Variants in DNAJC10 observed in about 807,000 individuals in gnomAD.
DNAJC10 encodes endoplasmic reticulum disulfide reductase DNAJC10.
Under a neutral mutation model 115.0 loss-of-function variants are expected in DNAJC10, and 101 were observed. The ratio of observed to expected loss-of-function variants is 0.88; its 90% CI spans 0.75 to 1.04. DNAJC10 has a LOEUF of 1.04. Ranked by LOEUF, DNAJC10 falls within the 50% of genes least tolerant of loss-of-function variation. DNAJC10 has a pLI of 0.00. For synonymous variants in DNAJC10, 307 were observed against 301.5 expected, an observed-to-expected ratio of 1.02 and a Z score of -0.19; for missense variants, 981 against 928.8, an observed-to-expected ratio of 1.06 and a Z score of -0.73.
intron 16 of DNAJC10, among the ~76,000 whole-genome samples, chr2:182,753,356 A>G (rs894803138): frequency 6.6e-6 from 1 of 152,132 alleles, no homozygotes; most frequent in African/African-American, 2.4e-5. Flanking sequence ...AAGAGGAAGG[A>G]AAACAAAAGA....
chr2:182,773,054 T>G (rs1694609021), intron 22 of DNAJC10, among the ~76,000 whole-genome samples: 1 of 152,134 alleles, frequency 6.6e-6, no homozygotes, highest in Admixed American at 6.6e-5. Flanking sequence ...AAATCAGCAT[T>G]TGCTTGTCTG....
chr2:182,770,100 G>A (rs753620670), intron 22 of DNAJC10, among the ~76,000 whole-genome samples: 1 of 152,116 alleles, frequency 6.6e-6, no homozygotes, highest in Admixed American at 6.5e-5. Flanking sequence ...GTTTTTGTCA[G>A]GTTTGTCAAA....
At position 182,781,960 on chromosome 2, in the gene DNAJC10, C is replaced by T. The variant is rs919839832; in HGVS notation, c.*4828C>T. 1 of 152,094 alleles carries T rather than the reference C, an allele frequency of 6.6e-6. No homozygotes were observed. Among genetic ancestry groups the T allele is most frequent in the African/African-American group, 2.4e-5 (1 of 41,408 alleles). 9.4% of individuals were successfully genotyped at this position (152,094 alleles called of 1,614,324 possible). ...ATGCAGAAGCTCTTTAATTAGATCC[C>T]ATTTATCTGTTTTGGCTTTTATTGC... On this transcript the variant is annotated 3_prime_UTR_variant, in exon 24 of 24. Coordinates refer to ENST00000264065, the MANE Select transcript of DNAJC10 (RefSeq NM_018981.4).
At chr2:182,760,033 C>A (rs981419603) in intron 21 of DNAJC10, among the ~76,000 whole-genome samples, 4 of 152,180 alleles carry the variant, frequency 2.6e-5, no homozygotes, top group Admixed American at 2.0e-4. Context: ...CTCTGACTTA[C>A]TAAGTTTCTT....
chr2:182,781,303 T>C lies in DNAJC10; in HGVS notation c.*4171T>C, dbSNP rs534862068. 1 of 152,340 alleles carries C rather than the reference T, an allele frequency of 6.6e-6. No homozygotes were observed. Among genetic ancestry groups the C allele is most frequent in the East Asian group, 1.9e-4 (1 of 5,186 alleles). 9.4% of individuals were successfully genotyped at this position (152,340 alleles called of 1,614,324 possible). A position where few individuals can be genotyped will look rare whatever the true frequency, so the allele number is the denominator to read the frequency against. On this transcript the variant is annotated 3_prime_UTR_variant, in exon 24 of 24. Coordinates refer to ENST00000264065, the MANE Select transcript of DNAJC10 (RefSeq NM_018981.4). ...CTGCAAAGGACATGAACGCATCCTTTTTTATGGCTGCATAGTATTCCATGG... is the reference window on the plus strand; with the variant it reads ...CTGCAAAGGACATGAACGCATCCTTCTTTATGGCTGCATAGTATTCCATGG...
At chr2:182,772,473 GACTT>G (rs1022071604) in intron 22 of DNAJC10, among the ~76,000 whole-genome samples, 2 of 152,048 alleles carry the variant, frequency 1.3e-5, no homozygotes, top group Non-Finnish European at 2.9e-5. Context: ...GGTTTCTAAG[GACTT>G]ACTTTATGAA....
chr2:182,722,024 G>T lies in DNAJC10; in HGVS notation c.368-1G>T. ...TAATTTTTATATACTTTTAAAATTA[G>T]GTATTTATGATGATGATCCTGAAAT... On this transcript the variant is annotated splice_acceptor_variant, in intron 4 of 23. Transcript: ENST00000264065. LOFTEE classifies it high-confidence loss of function. The T allele has an allele frequency of 6.7e-7, 1 of 1,485,168 alleles. No individual in the cohort carries two copies. The highest frequency in any genetic ancestry group is 9.2e-7 in the Non-Finnish European group (1 of 1,092,790). The allele number at this position is 1,485,168 out of a possible 1,614,324, so 92.0% of individuals were successfully genotyped here. A position where few individuals can be genotyped will look rare whatever the true frequency, so the allele number is the denominator to read the frequency against.
At chr2:182,733,788 GATA>G (rs1693512732) in intron 10 of DNAJC10, among the ~76,000 whole-genome samples, 2 of 139,980 alleles carry the variant, frequency 1.4e-5, no homozygotes, top group African/African-American at 5.4e-5. Context: ...CTCTCAGATA[GATA>G]GATAGATAGA....
intron 5 of DNAJC10, among the ~76,000 whole-genome samples, chr2:182,723,188 C>T (rs563968044): frequency 5.3e-5 from 8 of 151,768 alleles, no homozygotes; most frequent in Admixed American, 2.0e-4. Context: ...TACAGGTGCC[C>T]GCTACCACAC....
chr2:182,772,314 T>C (rs1302932845), intron 22 of DNAJC10, among the ~76,000 whole-genome samples: 1 of 152,076 alleles, frequency 6.6e-6, no homozygotes, highest in African/African-American at 2.4e-5. Flanking sequence ...GGGTGGAGAG[T>C]TCTGTGGTTG....
chr2:182,780,967 GC>G lies in DNAJC10; in HGVS notation c.*3836del, dbSNP rs1409162497. The G allele has an allele frequency of 1.2e-5, 1 of 83,884 alleles. No individual in the cohort carries two copies. Among genetic ancestry groups the G allele is most frequent in the African/African-American group, 6.5e-5 (1 of 15,498 alleles). The allele number at this position is 83,884 out of a possible 1,614,324, so 5.2% of individuals were successfully genotyped here. A position where few individuals can be genotyped will look rare whatever the true frequency, so the allele number is the denominator to read the frequency against. ...GATAGACAATCTTCATTAAGCAACT[GC>G]TGTTTTTTTTTTTTAATACTTCAAG... On this transcript the variant is annotated 3_prime_UTR_variant, in exon 24 of 24. Transcript: ENST00000264065.
intron 22 of DNAJC10, among the ~76,000 whole-genome samples, chr2:182,772,778 CT>C (rs1694601815): frequency 6.6e-6 from 1 of 152,144 alleles, no homozygotes; most frequent in African/African-American, 2.4e-5. Context: ...ACTGATGGGT[CT>C]TGACTCTTTA....
intron 14 of DNAJC10, among the ~76,000 whole-genome samples, chr2:182,750,254 A>C (rs1382547240): frequency 6.6e-6 from 1 of 152,136 alleles, no homozygotes; most frequent in South Asian, 2.1e-4. Flanking sequence ...CAATGTAGAA[A>C]ATGGATTAGT....
intron 23 of DNAJC10, among the ~76,000 whole-genome samples, 170 bp downstream of exon 23, chr2:182,775,590 C>T (rs1694685846): frequency 1.3e-5 from 2 of 152,158 alleles, no homozygotes; most frequent in African/African-American, 4.8e-5. Flanking sequence ...GTAGCCTAGA[C>T]ACTGAAATGC....
At chr2:182,751,931 G>T in intron 15 of DNAJC10, 141 bp from the exon 16 acceptor site, 1 of 1,213,548 alleles carries the variant, frequency 8.2e-7, no homozygotes, top group Non-Finnish European at 1.2e-6. Context: ...TTTTAAATGA[G>T]TGCTAATGTA....
intron 4 of DNAJC10, 147 bp from the exon 5 acceptor site, chr2:182,721,878 T>TC (rs779569746): frequency 1.7e-5 from 8 of 477,202 alleles, no homozygotes; most frequent in Middle Eastern, 5.7e-4. Flanking sequence ...TACTTTTTTT[T>TC]CACTTAGGAT....
At chr2:182,739,686 GA>G (rs1459679749) in intron 11 of DNAJC10, 42 of 1,032,532 alleles carry the variant, frequency 4.1e-5, no homozygotes, top group Non-Finnish European at 4.7e-5. Flanking sequence ...GACTCGGGCC[GA>G]AAACAAGTTT....
chr2:182,720,264 G>A (rs894945620), intron 4 of DNAJC10, 95 bp downstream of exon 4: 16 of 1,036,578 alleles, frequency 1.5e-5, no homozygotes, highest in Non-Finnish European at 2.0e-5. Context: ...TTTAAGATGC[G>A]TCACTTTGAT....
Position 182,718,067 on chromosome 2 carries a change from G to C in DNAJC10, c.-20G>C. On this transcript the variant is annotated 5_prime_UTR_variant, in exon 3 of 24. Transcript: ENST00000264065. Reference sequence around the variant, plus strand: ...TGAATCTTAATGTTCACTTAAATCAGAACTTGCATAAGAAAGAGAATGGGA... The same window carrying C: ...TGAATCTTAATGTTCACTTAAATCACAACTTGCATAAGAAAGAGAATGGGA... The C allele has an allele frequency of 6.4e-7, 1 of 1,562,840 alleles. No homozygotes were observed. Among genetic ancestry groups the C allele is most frequent in the Non-Finnish European group, 8.7e-7 (1 of 1,149,764 alleles).
Sources: gnomAD v4.1 joint callset for allele counts (sites outside exome capture counted in the v4.1 genomes callset) on GRCh38, gnomAD v4.1.1 for gene constraint, MANE v1.5 for transcripts, NCBI Gene and HGNC (gene_info 2026-07-23, HGNC 2026-07-21) for gene names.